Variants in ADAM32 observed in about 807,000 individuals in gnomAD.
ADAM32 encodes the protein ADAM metallopeptidase domain 32.
Under a neutral mutation model 114.9 loss-of-function variants are expected in ADAM32, and 89 were observed. The ratio of observed to expected loss-of-function variants is 0.77; its 90% CI spans 0.65 to 0.92. The LOEUF is 0.92. ADAM32 is among the 40% of genes least tolerant of loss of function. The pLI is 0.00. For synonymous variants in ADAM32, 285 were observed against 307.5 expected (o/e 0.93, Z 0.77); for missense variants, 870 against 932.8 (o/e 0.93, Z 0.88).
chr8:39,220,526 T>C (rs1808887866), intron 12 of ADAM32, among the ~76,000 whole-genome samples: 3 of 152,082 alleles, frequency 2.0e-5, no homozygotes, highest in Non-Finnish European at 4.4e-5. Context: ...TTGAAAATTT[T>C]CTCCTTTTTT....
intron 6 of ADAM32, among the ~76,000 whole-genome samples, chr8:39,155,860 T>C (rs1804112531): frequency 6.6e-6 from 1 of 152,194 alleles, no homozygotes; most frequent in Admixed American, 6.5e-5. Flanking sequence ...ATTTTCTTAG[T>C]GGTTACTCTG....
intron 14 of ADAM32, among the ~76,000 whole-genome samples, chr8:39,224,352 T>A (rs891361520): frequency 2.0e-5 from 3 of 152,246 alleles, no homozygotes; most frequent in Non-Finnish European, 4.4e-5. Flanking sequence ...TGTTCCATAT[T>A]GTTTTCCTTA....
At chr8:39,193,531 C>G (rs1564570966) in intron 11 of ADAM32, among the ~76,000 whole-genome samples, 1 of 152,232 alleles carries the variant, frequency 6.6e-6, no homozygotes, top group South Asian at 2.1e-4. Context: ...GTTAATAACC[C>G]TTGCTGGAGT....
intron 1 of ADAM32, among the ~76,000 whole-genome samples, chr8:39,111,317 T>A (rs1210063538): frequency 6.6e-6 from 1 of 152,226 alleles, no homozygotes; most frequent in South Asian, 2.1e-4. Flanking sequence ...TGGACTTTGT[T>A]ATCCCCCAAT....
intron 12 of ADAM32, among the ~76,000 whole-genome samples, chr8:39,212,931 A>C (rs1808323377): frequency 6.6e-6 from 1 of 152,150 alleles, no homozygotes; most frequent in Non-Finnish European, 1.5e-5. Context: ...CTTAAATTTT[A>C]GCTATTCCAG....
chr8:39,161,670 G>A (rs991341547), intron 7 of ADAM32, among the ~76,000 whole-genome samples: 7 of 152,098 alleles, frequency 4.6e-5, no homozygotes, highest in East Asian at 3.8e-4. Flanking sequence ...ATACCACAGC[G>A]GGTATGACTA....
chr8:39,135,387 A>G (rs1054470045), intron 2 of ADAM32, among the ~76,000 whole-genome samples: 1 of 152,178 alleles, frequency 6.6e-6, no homozygotes, highest in Non-Finnish European at 1.5e-5. Context: ...TCTTTTTTAA[A>G]AATAAACTTC....
At chr8:39,181,559 CTAGG>C (rs768449790) in intron 10 of ADAM32, among the ~76,000 whole-genome samples, 20 of 152,204 alleles carry the variant, frequency 1.3e-4, no homozygotes, top group Non-Finnish European at 2.5e-4. Flanking sequence ...GATAATTGGG[CTAGG>C]TATAGAATCT....
At chr8:39,225,158 C>A (rs546242378) in intron 14 of ADAM32, among the ~76,000 whole-genome samples, 1 of 152,202 alleles carries the variant, frequency 6.6e-6, no homozygotes, top group African/African-American at 2.4e-5. Context: ...CCCTCCCAAC[C>A]CTGTGCACAC....
At chr8:39,156,347 G>T (rs936919256) in intron 6 of ADAM32, among the ~76,000 whole-genome samples, 1 of 152,120 alleles carries the variant, frequency 6.6e-6, no homozygotes, top group Non-Finnish European at 1.5e-5. Context: ...GTCTTCCTTT[G>T]TTGCCCAGGC....
At chr8:39,123,350 A>G (rs12545085) in intron 2 of ADAM32, among the ~76,000 whole-genome samples, 35,748 of 152,020 alleles carry the variant, frequency 0.24, 4,344 homozygotes, top group Middle Eastern at 0.31. Context: ...ATTTCCATAT[A>G]TATTTTTAGA....
intron 16 of ADAM32, among the ~76,000 whole-genome samples, chr8:39,240,235 A>G (rs145403909): frequency 2.0e-5 from 3 of 152,232 alleles, no homozygotes; most frequent in Non-Finnish European, 4.4e-5. Flanking sequence ...ACTCTCTCAG[A>G]CCACAGCGGA....
chr8:39,119,456 T>C (rs1484593620), intron 2 of ADAM32, among the ~76,000 whole-genome samples: 1 of 152,248 alleles, frequency 6.6e-6, no homozygotes, highest in Admixed American at 6.5e-5. Context: ...TGCATTTCTT[T>C]AATGAATAAT....
chr8:39,125,592 T>C (rs919030937), intron 2 of ADAM32, among the ~76,000 whole-genome samples: 3 of 152,280 alleles, frequency 2.0e-5, no homozygotes, highest in African/African-American at 7.2e-5. Flanking sequence ...GTACAGTGAG[T>C]AGATTGCAAA....
chr8:39,264,119 T>A (rs1458884605), intron 19 of ADAM32, among the ~76,000 whole-genome samples: 1 of 152,204 alleles, frequency 6.6e-6, no homozygotes, highest in East Asian at 1.9e-4. Context: ...TGTTTTTCTT[T>A]TTCAAATTTT....
Position 39,169,963 on chromosome 8 carries a change from T to C in ADAM32, c.881T>C (p.Met294Thr), listed in dbSNP as rs769058176. ...RYLGAVFPGT[M>T]CITRYSAGVA... ...TTGGGAGCAGTGTTTCCTGGAACAA[T>C]GTGTATTACTCGTTATTCTGCAGGA... Residue 294 changes from methionine to threonine, a missense_variant, in exon 10 of 25, where the codon ATG becomes ACG. Physicochemically the swap from Met to Thr is moderately conservative, Grantham distance 81. Coordinates refer to ENST00000379907, the MANE Select transcript of ADAM32 (RefSeq NM_145004.7). 16 of 1,602,128 alleles carry C rather than the reference T, an allele frequency of 1.0e-5. No homozygotes were observed. The highest frequency in any genetic ancestry group is 1.4e-5 in the Non-Finnish European group (16 of 1,172,428).
At chr8:39,185,104 A>C (rs1414219578) in intron 10 of ADAM32, among the ~76,000 whole-genome samples, 1 of 152,130 alleles carries the variant, frequency 6.6e-6, no homozygotes, top group African/African-American at 2.4e-5. Flanking sequence ...GTCTGTACTA[A>C]AAATACAAAA....
At chr8:39,111,293 T>C (rs1055425513) in intron 1 of ADAM32, among the ~76,000 whole-genome samples, 1 of 152,216 alleles carries the variant, frequency 6.6e-6, no homozygotes, top group Non-Finnish European at 1.5e-5. Context: ...TATAGGTATG[T>C]CCATTTCCTC....
At chr8:39,230,002 G>C (rs1809636171) in intron 14 of ADAM32, among the ~76,000 whole-genome samples, 2 of 152,098 alleles carry the variant, frequency 1.3e-5, no homozygotes. Flanking sequence ...CACTCTCTCA[G>C]ACCACATTTA....
Sources: gnomAD v4.1 joint callset for allele counts (sites outside exome capture counted in the v4.1 genomes callset) on GRCh38, gnomAD v4.1.1 for gene constraint, MANE v1.5 for transcripts, NCBI Gene and HGNC (gene_info 2026-07-23, HGNC 2026-07-21) for gene names.